ZNF681: variants seen among roughly 807,000 people sequenced by gnomAD.
The protein encoded by ZNF681 is hypothetical protein FLJ31526.
Under a neutral mutation model 56.0 loss-of-function variants are expected in ZNF681, and 37 were observed. The observed-to-expected ratio is 0.66, with a 90% CI of 0.51 to 0.87. The LOEUF (loss-of-function observed/expected upper bound fraction) is 0.87. ZNF681 is among the 40% of genes least tolerant of loss of function. The pLI is 0.00. For missense variants in ZNF681, 741 were observed against 744.9 expected, an observed-to-expected ratio of 0.99 and a Z score of 0.06; for synonymous variants, 225 against 248.6, an observed-to-expected ratio of 0.91 and a Z score of 0.89.
chr19:23,757,808 A>G lies in ZNF681; in HGVS notation c.3+939T>C, dbSNP rs886750175. 8.5e-5 allele frequency among the ~76,000 whole-genome samples: 13 copies of G among 152,202 alleles called. No homozygotes were observed. The South Asian group carries it at 1.0e-3, about 12-fold the overall frequency. On this transcript the variant is annotated intron_variant, in intron 1 of 3. Transcript: ENST00000402377. Reference sequence around the variant, plus strand: ...GACTCTATATAGAATTCTGTTCTCTATGCCACTGGGGTATTTCCAGTTCTG... The same window carrying G: ...GACTCTATATAGAATTCTGTTCTCTGTGCCACTGGGGTATTTCCAGTTCTG...
chr19:23,745,427 T>TTTTGCTATACC, intron 3 of ZNF681, 104 bp from the exon 4 acceptor site: 1 of 932,318 alleles, frequency 1.1e-6, no homozygotes, highest in Non-Finnish European at 1.5e-6. Flanking sequence ...CAAGATGGTA[T>TTTTGCTATACC]AGCAAAATAC....
At position 23,749,241 on chromosome 19, in the gene ZNF681, G is replaced by C. The variant is rs1599455668; in HGVS notation, c.227-3918C>G. ...GAAATAAGCCATTAACAAAATGATG[G>C]CTACTATATGATCCCATTTATAGGA... On this transcript the variant is annotated intron_variant, in intron 3 of 3. Coordinates refer to ENST00000402377, the MANE Select transcript of ZNF681 (RefSeq NM_138286.3). 2.0e-5 allele frequency among the ~76,000 whole-genome samples: 3 copies of C among 152,202 alleles called. No individual in the cohort carries two copies. The South Asian group carries it at 6.2e-4, about 32-fold the overall frequency.
rs1268934201 is a variant in ZNF681 at position 23,752,134 on chromosome 19, CT to C, written c.226+2688del. 2.6e-5 allele frequency among the ~76,000 whole-genome samples: 4 copies of C among 152,240 alleles called. No homozygotes were observed. In the East Asian group the frequency reaches 7.7e-4, roughly 29 times the overall value. On this transcript the variant is annotated intron_variant, in intron 3 of 3. Transcript: ENST00000402377. Reference sequence around the variant, plus strand: ...TGCTAATGCCCAATTCTGAGGAGTGCTATTTTTCAGAAGGCAGGTGGCAAAC... The same window carrying C: ...TGCTAATGCCCAATTCTGAGGAGTGCATTTTTCAGAAGGCAGGTGGCAAAC...
chr19:23,744,331 A>G lies in ZNF681; in HGVS notation c.1219T>C (p.Ser407Pro). 1 of 1,613,832 alleles carries G rather than the reference A, an allele frequency of 6.2e-7. No homozygotes were observed. The highest frequency in any genetic ancestry group is 1.1e-5 in the South Asian group (1 of 91,066). The change falls in exon 4 of 4, where the codon TCA (serine) becomes CCA (proline). Residue 407 changes from serine (S) to proline (P), a missense_variant. By Grantham distance (74) the Ser-to-Pro change is moderately conservative. Transcript: ENST00000402377. The stretch of plus-strand genomic sequence containing the variant: ...ATGCTCTTATGTCTAGTAAGGTGTG[A>G]GGACTTGTTAAAAGCTTTGCCACAT... Reference protein sequence around the residue: ...EECGKAFNKSSHLTRHKSIHT... With the variant: ...EECGKAFNKSPHLTRHKSIHT...
Position 23,742,578 on chromosome 19 carries a change from C to T in ZNF681, c.*1034G>A, listed in dbSNP as rs370295287. 1 of 151,960 alleles carries T rather than the reference C, an allele frequency of 6.6e-6. No individual in the cohort carries two copies. The highest frequency in any genetic ancestry group is 1.5e-5 in the Non-Finnish European group (1 of 68,006). 9.4% of individuals were successfully genotyped at this position (151,960 alleles called of 1,614,324 possible). A position where few individuals can be genotyped will look rare whatever the true frequency, so the allele number is the denominator to read the frequency against. ...CACAGGATATTTATCTGAACTCCTA[C>T]CTCATGCATCAGTCAATATTATAAA... is the stretch of plus-strand genomic sequence containing the variant. On this transcript the variant is annotated 3_prime_UTR_variant, in exon 4 of 4. Coordinates refer to ENST00000402377, the MANE Select transcript of ZNF681 (RefSeq NM_138286.3).
intron 3 of ZNF681, among the ~76,000 whole-genome samples, chr19:23,754,392 C>T (rs112120580): frequency 1.3e-5 from 2 of 152,068 alleles, no homozygotes; most frequent in African/African-American, 2.4e-5. Flanking sequence ...GGCAGGGTGG[C>T]GTGGCTCATG....
At position 23,743,930 on chromosome 19, in the gene ZNF681, G is replaced by A. The variant is rs780297207; in HGVS notation, c.1620C>T (p.Gly540=). The change falls in exon 4 of 4, where the codon GGC becomes GGT. Residue 540 remains glycine, a synonymous_variant. Coordinates refer to ENST00000402377, the MANE Select transcript of ZNF681 (RefSeq NM_138286.3). ...GEKPYTCEEC[G]KAFNHSSHLA... is the part of the protein sequence containing the mutation. Reference sequence around the variant, plus strand: ...GATGTGAGGAATGGTTAAAGGCTTTGCCACATTCTTCACATGTGTAGGGTT... The same window carrying A: ...GATGTGAGGAATGGTTAAAGGCTTTACCACATTCTTCACATGTGTAGGGTT... The A allele has an allele frequency of 2.5e-6, 4 of 1,605,592 alleles. No homozygotes were observed. Among genetic ancestry groups the A allele is most frequent in the Non-Finnish European group, 3.4e-6 (4 of 1,174,052 alleles).
chr19:23,749,836 T>G (rs908065261), intron 3 of ZNF681, among the ~76,000 whole-genome samples: 2 of 152,028 alleles, frequency 1.3e-5, no homozygotes, highest in Non-Finnish European at 2.9e-5. Flanking sequence ...AAATTCAGAA[T>G]CATAAATCTT....
chr19:23,749,879 T>G (rs767645228), intron 3 of ZNF681, among the ~76,000 whole-genome samples: 4 of 152,094 alleles, frequency 2.6e-5, no homozygotes, highest in Admixed American at 6.6e-5. Flanking sequence ...CAAAAGTGTT[T>G]GTCTCACACA....
Position 23,744,969 on chromosome 19 carries a change from C to G in ZNF681, c.581G>C (p.Arg194Thr). The G allele has an allele frequency of 6.2e-7, 1 of 1,602,174 alleles. No individual in the cohort carries two copies. The highest frequency in any genetic ancestry group is 8.5e-7 in the Non-Finnish European group (1 of 1,174,858). Reference protein sequence around the residue: ...NLTQHKIICTRVNFYKCEDCG... With the variant: ...NLTQHKIICTTVNFYKCEDCG... ...GTCTTCACATTTGTAGAAATTTACT[C>G]TAGTACAAATTATTTTATGTTGAGT... The change falls in exon 4 of 4, where the codon AGA (arginine) becomes ACA (threonine). Residue 194 changes from arginine to threonine, a missense_variant. Transcript: ENST00000402377.
chr19:23,746,799 T>A (rs1487030441), intron 3 of ZNF681, among the ~76,000 whole-genome samples: 1 of 152,210 alleles, frequency 6.6e-6, no homozygotes, highest in Non-Finnish European at 1.5e-5. Flanking sequence ...CCTGGTGTAT[T>A]CTGTTAGGAT....
Position 23,741,315 on chromosome 19 carries a change from T to A in ZNF681, c.*2297A>T, listed in dbSNP as rs1279967607. 6.6e-6 allele frequency: 1 copy of A among 152,184 alleles called. No homozygotes were observed. The highest frequency in any genetic ancestry group is 1.5e-5 in the Non-Finnish European group (1 of 68,032). The allele number at this position is 152,184 out of a possible 1,614,324, so 9.4% of individuals were successfully genotyped here. On this transcript the variant is annotated 3_prime_UTR_variant, in exon 4 of 4. Transcript: ENST00000402377. The stretch of plus-strand genomic sequence containing the variant: ...TGAAGAAAAATATATAACAATTTTT[T>A]AATGTTAATTCAGGTCTCAGAAATG...
intron 1 of ZNF681, among the ~76,000 whole-genome samples, chr19:23,757,355 C>A (rs1300430355): frequency 6.6e-6 from 1 of 151,942 alleles, no homozygotes; most frequent in Non-Finnish European, 1.5e-5. Flanking sequence ...AAAAGCCCGG[C>A]ATTTTTATTT....
intron 1 of ZNF681, 27 bp from the exon 2 acceptor site, chr19:23,755,578 C>A: frequency 1.4e-6 from 2 of 1,437,620 alleles, no homozygotes; most frequent in South Asian, 1.4e-5. Context: ...CACACACACA[C>A]ACACACACAC....
chr19:23,741,369 T>C lies in ZNF681; in HGVS notation c.*2243A>G, dbSNP rs1047290764. 1.3e-5 allele frequency: 2 copies of C among 152,186 alleles called. No individual in the cohort carries two copies. The highest frequency in any genetic ancestry group is 4.8e-5 in the African/African-American group (2 of 41,456). 9.4% of individuals were successfully genotyped at this position (152,186 alleles called of 1,614,324 possible). A position where few individuals can be genotyped will look rare whatever the true frequency, so the allele number is the denominator to read the frequency against. ...GCATTTTGTTTATATTGTTTTCTTA[T>C]GACCATAAAAGAGACCCTGTAGCCA... is the stretch of plus-strand genomic sequence containing the variant. On this transcript the variant is annotated 3_prime_UTR_variant, in exon 4 of 4. Coordinates refer to ENST00000402377, the MANE Select transcript of ZNF681 (RefSeq NM_138286.3).
At position 23,744,251 on chromosome 19, in the gene ZNF681, T is replaced by C. The variant is rs745346431; in HGVS notation, c.1299A>G (p.Gln433=). 1.9e-6 allele frequency: 3 copies of C among 1,613,124 alleles called. No homozygotes were observed. Among genetic ancestry groups the C allele is most frequent in the South Asian group, 2.2e-5 (2 of 91,014 alleles). Residue 433 remains glutamine (Q), a synonymous_variant, in exon 4 of 4, where the codon CAA becomes CAG. Coordinates refer to ENST00000402377, the MANE Select transcript of ZNF681 (RefSeq NM_138286.3). ...QCEKCGKASN[Q]SSNLTEHKNI... ...TCTTATGTTCAGTAAGGTTTGAGGA[T>C]TGGTTAGAAGCTTTGCCACATTTTT...
chr19:23,749,326 GGA>G (rs1968990537), intron 3 of ZNF681, among the ~76,000 whole-genome samples: 1 of 117,722 alleles, frequency 8.5e-6, no homozygotes, highest in Non-Finnish European at 2.1e-5. Flanking sequence ...GTCAAGGGCT[GGA>G]GAGAGGGTAA....
chr19:23,747,716 T>A (rs1319510611), intron 3 of ZNF681, among the ~76,000 whole-genome samples: 3 of 150,110 alleles, frequency 2.0e-5, no homozygotes, highest in Admixed American at 1.3e-4. Context: ...AATTTGATTA[T>A]AAACTATAGC....
At chr19:23,746,168 G>C (rs1968941740) in intron 3 of ZNF681, among the ~76,000 whole-genome samples, 1 of 152,024 alleles carries the variant, frequency 6.6e-6, no homozygotes. Flanking sequence ...TACAAAATTA[G>C]CCAGGCATGG....
Sources: gnomAD v4.1 joint callset for allele counts (sites outside exome capture counted in the v4.1 genomes callset) on GRCh38, gnomAD v4.1.1 for gene constraint, MANE v1.5 for transcripts, NCBI Gene and HGNC (gene_info 2026-07-23, HGNC 2026-07-21) for gene names.